The following DIAPH2 variants were observed in gnomAD, a reference collection of about 807,000 sequenced individuals.
DIAPH2 encodes protein diaphanous homolog 2.
In DIAPH2, 35 loss-of-function variants were observed where a neutral mutation model predicts 92.7. That is an observed-to-expected ratio of 0.38 (90% CI 0.29 to 0.50). The LOEUF (loss-of-function observed/expected upper bound fraction) is 0.50. DIAPH2 is among the 20% of genes least tolerant of loss of function. The pLI, the probability that DIAPH2 is intolerant of heterozygous loss-of-function variation, is 0.94. For missense variants in DIAPH2, 701 were observed against 819.5 expected, an observed-to-expected ratio of 0.86 and a Z score of 1.77; for synonymous variants, 301 against 280.4, an observed-to-expected ratio of 1.07 and a Z score of -0.73.
intron 25 of DIAPH2, among the ~76,000 whole-genome samples, chrX:97,419,739 G>T (rs192373697): frequency 3.6e-5 from 4 of 111,741 alleles, no homozygotes; most frequent in African/African-American, 1.3e-4. Flanking sequence ...CTGCCATATA[G>T]TCAGCATTCA....
At chrX:96,912,669 T>A in intron 7 of DIAPH2, 117 bp downstream of exon 7, 1 of 881,280 alleles carries the variant, frequency 1.1e-6, no homozygotes, top group Non-Finnish European at 1.5e-6. Flanking sequence ...AGGGTACATG[T>A]ATATAGGCGA....
intron 5 of DIAPH2, among the ~76,000 whole-genome samples, chrX:96,911,004 A>C (rs2147778857): frequency 9.0e-6 from 1 of 111,562 alleles, no homozygotes; most frequent in South Asian, 3.8e-4. Flanking sequence ...CTTTCTGGGA[A>C]GAAAGAATAA....
At chrX:97,196,544 T>C (rs2067705707) in intron 22 of DIAPH2, among the ~76,000 whole-genome samples, 1 of 111,266 alleles carries the variant, frequency 9.0e-6, no homozygotes, top group African/African-American at 3.3e-5. Flanking sequence ...AGGAAAGAAA[T>C]AACATGAAAT....
intron 4 of DIAPH2, among the ~76,000 whole-genome samples, chrX:96,811,679 T>C (rs1050515774): frequency 2.7e-5 from 3 of 111,772 alleles, no homozygotes; most frequent in Admixed American, 9.5e-5. Flanking sequence ...GCTCTTATGA[T>C]TTTGAGATAC....
At position 96,844,448 on chromosome X, in the gene DIAPH2, C is replaced by T. The variant is rs758892037; in HGVS notation, c.448-37131C>T. On this transcript the variant is annotated intron_variant, in intron 4 of 26. Coordinates refer to ENST00000324765, the MANE Select transcript of DIAPH2 (RefSeq NM_006729.5). ...TTTAAAGGTAATATTCACTGTTATA[C>T]CTTTAAAGTGAAATTAATATTCTTT... is the stretch of plus-strand genomic sequence containing the variant. 5.3e-5 allele frequency among the ~76,000 whole-genome samples: 6 copies of T among 112,248 alleles called. No homozygotes were observed. In the East Asian group the frequency reaches 1.4e-3, roughly 26 times the overall value.
chrX:97,592,167 C>T (rs2071522083), intron 26 of DIAPH2, among the ~76,000 whole-genome samples: 1 of 111,554 alleles, frequency 9.0e-6, no homozygotes, highest in Non-Finnish European at 1.9e-5. Context: ...TTTTTAATGC[C>T]TTGAATTAAT....
intron 22 of DIAPH2, among the ~76,000 whole-genome samples, chrX:97,244,950 G>A (rs983220522): frequency 3.6e-5 from 4 of 110,714 alleles, no homozygotes; most frequent in Non-Finnish European, 5.7e-5. Context: ...TTAGCTGGGC[G>A]TGGTGGCACA....
chrX:97,241,171 T>G (rs1234396497), intron 22 of DIAPH2, among the ~76,000 whole-genome samples: 27 of 111,858 alleles, frequency 2.4e-4, no homozygotes, highest in Non-Finnish European at 1.9e-5. Flanking sequence ...TCCTTAAGAG[T>G]AGTGCATACC....
At chrX:97,200,980 A>G (rs145674099) in intron 22 of DIAPH2, among the ~76,000 whole-genome samples, 204 of 111,496 alleles carry the variant, frequency 1.8e-3, no homozygotes, top group African/African-American at 6.2e-3. Flanking sequence ...GAAGGAGCAG[A>G]TAACAGTCTT....
chrX:97,576,278 A>C (rs778463335), intron 26 of DIAPH2, among the ~76,000 whole-genome samples: 5 of 111,713 alleles, frequency 4.5e-5, no homozygotes, highest in African/African-American at 1.6e-4. Flanking sequence ...GCAGTCAGAC[A>C]CATTAATGGG....
At chrX:97,314,671 G>A (rs1019456335) in intron 23 of DIAPH2, among the ~76,000 whole-genome samples, 5 of 111,756 alleles carry the variant, frequency 4.5e-5, no homozygotes, top group South Asian at 3.8e-4. Flanking sequence ...TTTCTATACT[G>A]TAGGGGCTGA....
intron 24 of DIAPH2, among the ~76,000 whole-genome samples, chrX:97,352,004 G>T (rs925425617): frequency 3.6e-5 from 4 of 110,815 alleles, no homozygotes; most frequent in Non-Finnish European, 5.7e-5. Flanking sequence ...TCTCCCAGGG[G>T]AGGGAAGAAC....
intron 14 of DIAPH2, among the ~76,000 whole-genome samples, chrX:96,948,471 G>T: frequency 9.0e-6 from 1 of 111,606 alleles, no homozygotes; most frequent in Admixed American, 9.5e-5. Flanking sequence ...TACTTGAGAG[G>T]CTGAGGCAGG....
At chrX:97,031,879 GA>G (rs911715495) in intron 17 of DIAPH2, among the ~76,000 whole-genome samples, 1 of 111,767 alleles carries the variant, frequency 8.9e-6, no homozygotes, top group African/African-American at 3.3e-5. Context: ...TTAGCCAATT[GA>G]AAAAGGATTG....
intron 24 of DIAPH2, among the ~76,000 whole-genome samples, chrX:97,372,493 A>G (rs183245807): frequency 6.3e-5 from 7 of 111,911 alleles, no homozygotes; most frequent in Non-Finnish European, 1.1e-4. Context: ...CAAGAGGGCT[A>G]CTTCAGTGAA....
rs967922666 is a variant in DIAPH2 at position 97,199,740 on chromosome X, C to A, written c.2720-47975C>A. ...TAATAGCAACTTAATCCTTTGGCTT[C>A]TACTCAGATTTCGATGGACTGTACA... On this transcript the variant is annotated intron_variant, in intron 22 of 26. Coordinates refer to ENST00000324765, the MANE Select transcript of DIAPH2 (RefSeq NM_006729.5). 2.7e-5 allele frequency among the ~76,000 whole-genome samples: 3 copies of A among 111,365 alleles called. No homozygotes were observed. The Admixed American group carries it at 2.9e-4, about 11-fold the overall frequency.
chrX:97,165,762 G>T (rs985101732), intron 22 of DIAPH2, among the ~76,000 whole-genome samples: 1 of 110,123 alleles, frequency 9.1e-6, no homozygotes, highest in Admixed American at 9.7e-5. Flanking sequence ...CTCGGCCTGA[G>T]ATTACAGGCA....
chrX:96,991,247 TG>T (rs2066068016), intron 17 of DIAPH2, among the ~76,000 whole-genome samples: 2 of 110,131 alleles, frequency 1.8e-5, no homozygotes, highest in Admixed American at 1.9e-4. Flanking sequence ...CCCAAGTAGC[TG>T]GGATTACAGA....
intron 17 of DIAPH2, among the ~76,000 whole-genome samples, chrX:97,012,943 C>T (rs1242638524): frequency 8.9e-6 from 1 of 111,891 alleles, no homozygotes; most frequent in African/African-American, 3.2e-5. Context: ...AGTTTCTTCA[C>T]ACCACTTTTT....
Sources: gnomAD v4.1 joint callset for allele counts (sites outside exome capture counted in the v4.1 genomes callset) on GRCh38, gnomAD v4.1.1 for gene constraint, MANE v1.5 for transcripts, NCBI Gene and HGNC (gene_info 2026-07-23, HGNC 2026-07-21) for gene names.